The following RGCC variants were observed in gnomAD, a reference collection of about 807,000 sequenced individuals.
RGCC encodes the protein regulator of cell cycle RGCC.
Under a neutral mutation model 15.4 loss-of-function variants are expected in RGCC, and 15 were observed. The observed-to-expected ratio is 0.97, with a 90% CI of 0.65 to 1.50. RGCC has a LOEUF of 1.50. Ranked by LOEUF, RGCC falls within the 40% of genes most tolerant of loss-of-function variation. RGCC has a pLI of 0.00. For synonymous variants in RGCC, 81 were observed against 78.0 expected (o/e 1.04, Z -0.20); for missense variants, 176 against 189.7 (o/e 0.93, Z 0.42).
At position 41,466,829 on chromosome 13, in the gene RGCC, A is replaced by G. The variant is rs532164783; in HGVS notation, c.242A>G (p.Asp81Gly). 6.2e-7 allele frequency: 1 copy of G among 1,610,610 alleles called. No homozygotes were observed. Among genetic ancestry groups the G allele is most frequent in the South Asian group, 1.1e-5 (1 of 91,020 alleles). ...ATATTTTCCTTCCTGAAAGGTGCAG[A>G]TTCACTTTATAGGAACAGCTTCAGC... is the stretch of plus-strand genomic sequence containing the variant. The part of the protein sequence containing the change: ...SSGFSDSESA[D>G]SLYRNSFSFS... The change falls in exon 3 of 5, where the codon GAT becomes GGT. Residue 81 changes from aspartate to glycine, a missense_variant. Physicochemically the swap from Asp to Gly is moderately conservative, Grantham distance 94. Transcript: ENST00000379359.
intron 2 of RGCC, 151 bp from the exon 3 acceptor site, chr13:41,466,672 A>G: frequency 1.8e-6 from 1 of 571,266 alleles, no homozygotes; most frequent in Admixed American, 3.0e-5. Context: ...TACAGCCGTG[A>G]GCCACCCCAT....
At chr13:41,467,071 A>G (rs1000792919) in intron 3 of RGCC, 141 bp downstream of exon 3, 6 of 608,398 alleles carry the variant, frequency 9.9e-6, no homozygotes, top group Non-Finnish European at 1.8e-5. Context: ...TTAATACTGT[A>G]GAGTATACAG....
Position 41,457,622 on chromosome 13 carries a change from G to C in RGCC, c.-86G>C, listed in dbSNP as rs908219215. Reference sequence around the variant, plus strand: ...CCGAAGGGACTGGCAGGGCTGAAGTGTGCGGGACAGCAAGCCCCCGAATAG... The same window carrying C: ...CCGAAGGGACTGGCAGGGCTGAAGTCTGCGGGACAGCAAGCCCCCGAATAG... On this transcript the variant is annotated 5_prime_UTR_variant, in exon 1 of 5. Transcript: ENST00000379359. This position sits in a 1 kb window ranked among gnomAD's most constrained non-coding sequence, Gnocchi z 4.9. 25 of 1,490,104 alleles carry C rather than the reference G, an allele frequency of 1.7e-5. No individual in the cohort carries two copies. In the African/African-American group the frequency reaches 2.6e-4, roughly 16 times the overall value. 92.3% of individuals were successfully genotyped at this position (1,490,104 alleles called of 1,614,324 possible).
At chr13:41,461,961 G>A (rs1270580766) in intron 2 of RGCC, among the ~76,000 whole-genome samples, 2 of 152,208 alleles carry the variant, frequency 1.3e-5, no homozygotes, top group East Asian at 1.9e-4. Context: ...CATATAGAGG[G>A]ACAGTGCGAT....
chr13:41,457,676 G>A lies in RGCC; in HGVS notation c.-32G>A, dbSNP rs2043799098. 1 of 1,496,792 alleles carries A rather than the reference G, an allele frequency of 6.7e-7. No individual in the cohort carries two copies. The highest frequency in any genetic ancestry group is 8.9e-7 in the Non-Finnish European group (1 of 1,124,584). 92.7% of individuals were successfully genotyped at this position (1,496,792 alleles called of 1,614,324 possible). On this transcript the variant is annotated 5_prime_UTR_variant, in exon 1 of 5. Coordinates refer to ENST00000379359, the MANE Select transcript of RGCC (RefSeq NM_014059.3). The surrounding 1 kb of genome is among the most constrained non-coding windows in gnomAD (Gnocchi z 4.9). ...CGGCTGCCACCTCGCAGGACCCAAG[G>A]CCACGCGCGCCGGGCCCAGCTGAGC...
At position 41,470,342 on chromosome 13, in the gene RGCC, T is replaced by G. The variant is rs1200733536; in HGVS notation, c.407-136T>G. ...GCAGTGGGTTGCCCAGTCATTCCAGTTAATCAGACACTCATCGTGTGGGAA... is the reference window on the plus strand; with the variant it reads ...GCAGTGGGTTGCCCAGTCATTCCAGGTAATCAGACACTCATCGTGTGGGAA... On this transcript the variant is annotated intron_variant, in intron 4 of 4. Transcript: ENST00000379359. The G allele has an allele frequency of 7.0e-6, 6 of 856,410 alleles. No homozygotes were observed. In the East Asian group the frequency reaches 1.5e-4, roughly 21 times the overall value. The allele number at this position is 856,410 out of a possible 1,614,324, so 53.1% of individuals were successfully genotyped here.
chr13:41,458,154 CG>C lies in RGCC; in HGVS notation c.50-130del. The C allele has an allele frequency of 1.4e-6, 1 of 723,134 alleles. No individual in the cohort carries two copies. Among genetic ancestry groups the C allele is most frequent in the East Asian group, 2.7e-5 (1 of 36,578 alleles). 44.8% of individuals were successfully genotyped at this position (723,134 alleles called of 1,614,324 possible). A position where few individuals can be genotyped will look rare whatever the true frequency, so the allele number is the denominator to read the frequency against. On this transcript the variant is annotated intron_variant, in intron 1 of 4. Transcript: ENST00000379359. The surrounding 1 kb of genome is among the most constrained non-coding windows in gnomAD (Gnocchi z 4.4). ...GAAGATTACAAGGTAACAGCGACTG[CG>C]TGGCTGTCACTTGGCAGAGGCGCCA...
At chr13:41,468,578 G>A (rs2043859194) in intron 3 of RGCC, among the ~76,000 whole-genome samples, 198 bp from the exon 4 acceptor site, 1 of 152,188 alleles carries the variant, frequency 6.6e-6, no homozygotes, top group African/African-American at 2.4e-5. Flanking sequence ...AAACACTGGA[G>A]CACACACTTA....
Position 41,457,901 on chromosome 13 carries a change from G to A in RGCC, c.49+145G>A. ...TGTCCCCGGTCTTCCCGCGCGGGCGGCTGCAGCCTCCTTTCCGGCCCGGGC... is the reference window on the plus strand; with the variant it reads ...TGTCCCCGGTCTTCCCGCGCGGGCGACTGCAGCCTCCTTTCCGGCCCGGGC... On this transcript the variant is annotated intron_variant, in intron 1 of 4. Coordinates refer to ENST00000379359, the MANE Select transcript of RGCC (RefSeq NM_014059.3). This position sits in a 1 kb window ranked among gnomAD's most constrained non-coding sequence, Gnocchi z 4.9. 8.0e-7 allele frequency: 1 copy of A among 1,248,806 alleles called. No individual in the cohort carries two copies. The allele number at this position is 1,248,806 out of a possible 1,614,324, so 77.4% of individuals were successfully genotyped here.
rs1402382831 is a variant in RGCC, at chr13:41,470,805, A to G, written c.*320A>G. 4 of 239,810 alleles carry G rather than the reference A, an allele frequency of 1.7e-5. No individual in the cohort carries two copies. The highest frequency in any genetic ancestry group is 3.2e-5 in the Non-Finnish European group (4 of 126,096). 14.9% of individuals were successfully genotyped at this position (239,810 alleles called of 1,614,324 possible). A position where few individuals can be genotyped will look rare whatever the true frequency, so the allele number is the denominator to read the frequency against. On this transcript the variant is annotated 3_prime_UTR_variant, in exon 5 of 5. Transcript: ENST00000379359. The stretch of plus-strand genomic sequence containing the variant: ...AAAATATTTGTAATTAATTATATAT[A>G]GTTGGAAATAGCAGTAAGCTTTCCC...
At chr13:41,465,597 G>T (rs2043843254) in intron 2 of RGCC, among the ~76,000 whole-genome samples, 1 of 152,096 alleles carries the variant, frequency 6.6e-6, no homozygotes, top group Non-Finnish European at 1.5e-5. Context: ...TGACTGGATG[G>T]TCCCCTTGAC....
chr13:41,469,210 G>A (rs375987125), intron 4 of RGCC, among the ~76,000 whole-genome samples: 2 of 151,686 alleles, frequency 1.3e-5, no homozygotes, highest in African/African-American at 4.8e-5. Context: ...GCAGTGAGCC[G>A]AGATTGCGCC....
In RGCC at chr13:41,465,300, A is replaced by G. The variant is rs1385491546; in HGVS notation, c.236-1523A>G. On this transcript the variant is annotated intron_variant, in intron 2 of 4. Transcript: ENST00000379359. ...GGCTTTGTGTTTTGTTTTAACCAGG[A>G]AGGCTGTTCCCCGTGACCTCAGGGG... Among the ~76,000 whole-genome samples the G allele has an allele frequency of 2.6e-5, 4 of 152,056 alleles. No individual in the cohort carries two copies. In the East Asian group the frequency reaches 7.7e-4, roughly 29 times the overall value.
intron 2 of RGCC, among the ~76,000 whole-genome samples, chr13:41,465,428 C>T (rs1340045564): frequency 1.3e-5 from 2 of 152,232 alleles, no homozygotes; most frequent in African/African-American, 2.4e-5. Flanking sequence ...CTGGGCCAAC[C>T]GTGCGTTGGT....
At chr13:41,468,882 A>C in intron 4 of RGCC, 44 bp downstream of exon 4, 6 of 1,337,876 alleles carry the variant, frequency 4.5e-6, no homozygotes, top group Non-Finnish European at 5.3e-6. Flanking sequence ...CAAAAAACTA[A>C]CAGACACTTC....
At chr13:41,465,721 C>T (rs2043843812) in intron 2 of RGCC, among the ~76,000 whole-genome samples, 1 of 152,170 alleles carries the variant, frequency 6.6e-6, no homozygotes, top group Admixed American at 6.5e-5. Flanking sequence ...GATGAACTTC[C>T]AGGAGAAGAT....
At chr13:41,461,670 G>C (rs576175681) in intron 2 of RGCC, among the ~76,000 whole-genome samples, 1 of 152,302 alleles carries the variant, frequency 6.6e-6, no homozygotes, top group East Asian at 1.9e-4. Flanking sequence ...GATATTGTAG[G>C]ACCATTTAGG....
rs1311375603 is a variant in RGCC at position 41,458,465 on chromosome 13, C to G, written c.230C>G (p.Ser77Trp). The G allele has an allele frequency of 1.9e-6, 3 of 1,596,042 alleles. No homozygotes were observed. The highest frequency in any genetic ancestry group is 2.6e-6 in the Non-Finnish European group (3 of 1,176,414). The change falls in exon 2 of 5, where the codon TCG (serine) becomes TGG (tryptophan). Residue 77 changes from serine (S) to tryptophan (W), a missense_variant. Coordinates refer to ENST00000379359, the MANE Select transcript of RGCC (RefSeq NM_014059.3). The surrounding 1 kb of genome is among the most constrained non-coding windows in gnomAD (Gnocchi z 4.4). ...SVSDSSGFSDSESADSLYRNS... is the reference protein window; with the variant it reads ...SVSDSSGFSDWESADSLYRNS... ...AGCGACAGCAGCGGCTTCAGCGACT[C>G]GGAGAGTAAGTGCGGCCCCCGCTAG...
At position 41,468,509 on chromosome 13, in the gene RGCC, A is replaced by G. The variant is rs142758343; in HGVS notation, c.344-267A>G. Among the ~76,000 whole-genome samples, 604 of 152,334 alleles carry G rather than the reference A, an allele frequency of 4.0e-3. 4 individuals carry two copies. The highest frequency in any genetic ancestry group is 0.013 in the African/African-American group (539 of 41,572). On this transcript the variant is annotated intron_variant, in intron 3 of 4. Transcript: ENST00000379359. ...TGTTTGGAGAGGGTGGTGATGAACT[A>G]AAAAATAAAGAAACACTTAGGCTAG...
Sources: allele counts gnomAD v4.1 joint callset (sites outside exome capture counted in the v4.1 genomes callset), GRCh38; gene constraint gnomAD v4.1.1; non-coding constraint Gnocchi (gnomAD v3.1); transcripts MANE v1.5; gene names NCBI Gene and HGNC (gene_info 2026-07-23, HGNC 2026-07-21).